The following UGT2A2 variants were observed in gnomAD, a reference collection of about 807,000 sequenced individuals.
The protein encoded by UGT2A2 is UDP glucuronosyltransferase family 2 member A2, also known as UDP-glucuronosyltransferase 2A2.
In UGT2A2, 60 loss-of-function variants were observed where a neutral mutation model predicts 50.7. The ratio of observed to expected loss-of-function variants is 1.18; its 90% confidence interval spans 0.96 to 1.47. The LOEUF is 1.47. UGT2A2 is among the 40% of genes most tolerant of loss of function. The probability of loss-of-function intolerance (pLI) is 0.00; values close to 1 mark genes in which losing one functional copy is unlikely to be tolerated. For missense variants in UGT2A2, 762 were observed against 634.0 expected (o/e 1.20, Z -2.17); for synonymous variants, 242 against 214.6 (o/e 1.13, Z -1.11).
intron 1 of UGT2A2, among the ~76,000 whole-genome samples, chr4:69,615,171 T>C (rs2109925009): frequency 6.6e-6 from 1 of 152,056 alleles, no homozygotes; most frequent in Admixed American, 6.6e-5. Flanking sequence ...TCAATCTCTA[T>C]CTCTCACCAT....
chr4:69,598,017 G>A (rs1015355552), intron 2 of UGT2A2, among the ~76,000 whole-genome samples: 14 of 152,024 alleles, frequency 9.2e-5, no homozygotes, highest in Admixed American at 7.2e-4. Context: ...GTAAAAAGTG[G>A]GTTTGGGAGG....
intron 1 of UGT2A2, among the ~76,000 whole-genome samples, chr4:69,622,528 A>G (rs868084566): frequency 1.3e-5 from 2 of 151,844 alleles, no homozygotes; most frequent in South Asian, 4.2e-4. Flanking sequence ...TTTATGTGTT[A>G]TCTATATAAT....
chr4:69,588,994 C>A lies in UGT2A2; in HGVS notation c.*378G>T, dbSNP rs1480609111. 1 of 162,290 alleles carries A rather than the reference C, an allele frequency of 6.2e-6. No individual in the cohort carries two copies. Among genetic ancestry groups the A allele is most frequent in the Non-Finnish European group, 1.3e-5 (1 of 74,112 alleles). 10.1% of individuals were successfully genotyped at this position (162,290 alleles called of 1,614,324 possible). ...GACTCTTCCTTACACCTATCAAATT[C>A]CATCTACACTGTATGCATTACCAGG... On this transcript the variant is annotated 3_prime_UTR_variant, in exon 6 of 6. Coordinates refer to ENST00000604629, the MANE Select transcript of UGT2A2 (RefSeq NM_001105677.2).
chr4:69,602,379 G>C (rs1431179523), intron 1 of UGT2A2, among the ~76,000 whole-genome samples: 1 of 137,198 alleles, frequency 7.3e-6, no homozygotes, highest in Admixed American at 7.1e-5. Context: ...TCAGTGGTAT[G>C]TACTAATGAC....
At chr4:69,609,179 G>A (rs949359116) in intron 1 of UGT2A2, among the ~76,000 whole-genome samples, 15 of 139,260 alleles carry the variant, frequency 1.1e-4, no homozygotes, top group Admixed American at 5.1e-4. Flanking sequence ...TTGACACAGC[G>A]TTTTTCTCTG....
chr4:69,591,515 T>C (rs558104300), intron 5 of UGT2A2, among the ~76,000 whole-genome samples: 1 of 152,240 alleles, frequency 6.6e-6, no homozygotes, highest in African/African-American at 2.4e-5. Context: ...GGTAGTAGGC[T>C]TCAGAGAGAA....
chr4:69,590,519 C>T (rs148601925), intron 5 of UGT2A2, among the ~76,000 whole-genome samples: 51 of 152,132 alleles, frequency 3.4e-4, no homozygotes, highest in African/African-American at 1.2e-3. Context: ...ATGGTTTGTG[C>T]AGAGATGTCC....
At chr4:69,637,067 C>T (rs1410771300) in intron 1 of UGT2A2, among the ~76,000 whole-genome samples, 1 of 152,002 alleles carries the variant, frequency 6.6e-6, no homozygotes, top group Admixed American at 6.6e-5. Flanking sequence ...TATTGTAGAA[C>T]ACATTTCAAA....
intron 1 of UGT2A2, among the ~76,000 whole-genome samples, chr4:69,615,213 A>G (rs532009783): frequency 6.6e-6 from 1 of 152,142 alleles, no homozygotes; most frequent in Admixed American, 6.6e-5. Flanking sequence ...GAAAAATTAA[A>G]TCACTCTAAT....
intron 2 of UGT2A2, 45 bp downstream of exon 2, chr4:69,599,201 A>G: frequency 1.3e-6 from 2 of 1,555,296 alleles, no homozygotes; most frequent in South Asian, 2.5e-5. Context: ...AAAATTAAGT[A>G]TTTTATTATG....
intron 1 of UGT2A2, among the ~76,000 whole-genome samples, chr4:69,608,894 T>G (rs1719850477): frequency 6.6e-6 from 1 of 152,068 alleles, no homozygotes; most frequent in Non-Finnish European, 1.5e-5. Context: ...TTAAACAAAT[T>G]TATATGTTTA....
intron 1 of UGT2A2, among the ~76,000 whole-genome samples, chr4:69,601,153 A>C (rs1209382692): frequency 6.6e-6 from 1 of 151,960 alleles, no homozygotes; most frequent in African/African-American, 2.4e-5. Flanking sequence ...TGCTACACAT[A>C]CTCCCCATGT....
In UGT2A2 at chr4:69,599,316, G is replaced by A. The variant is rs369119599; in HGVS notation, c.821C>T (p.Pro274Leu). Residue 274 changes from proline (P) to leucine (L), a missense_variant, in exon 2 of 6, where the codon CCT becomes CTT. Physicochemically the swap from Pro to Leu is moderately conservative, Grantham distance 98. Coordinates refer to ENST00000604629, the MANE Select transcript of UGT2A2 (RefSeq NM_001105677.2). ...CTCAAAATTAGGTAAGTATGGACGA[G>A]GAAATTCAAAATCCCAATATGTTCG... is the stretch of plus-strand genomic sequence containing the variant. ...LIRTYWDFEFPRPYLPNFEFV... is the reference protein window; with the variant it reads ...LIRTYWDFEFLRPYLPNFEFV... 1.8e-5 allele frequency: 29 copies of A among 1,613,796 alleles called. No individual in the cohort carries two copies. In the East Asian group the frequency reaches 4.7e-4, roughly 26 times the overall value.
At position 69,638,914 on chromosome 4, in the gene UGT2A2, A is replaced by C; in HGVS notation, c.727T>G (p.Tyr243Asp). ...QSYWGEWNSY[Y>D]SKILGRPTTL... ...TTAGACTTACCTAAAATTTTGCTAT[A>C]GTATGAATTCCATTCTCCCCAGTAG... The change falls in exon 1 of 6, where the codon TAT (tyrosine) becomes GAT (aspartate). Residue 243 changes from tyrosine to aspartate, a missense_variant. Transcript: ENST00000604629. 6.3e-7 allele frequency: 1 copy of C among 1,589,540 alleles called. No homozygotes were observed. Among genetic ancestry groups the C allele is most frequent in the South Asian group, 1.1e-5 (1 of 87,744 alleles).
chr4:69,616,417 GT>G (rs1390847847), intron 1 of UGT2A2, among the ~76,000 whole-genome samples: 3 of 151,764 alleles, frequency 2.0e-5, no homozygotes, highest in African/African-American at 7.3e-5. Context: ...AATGTTTGAG[GT>G]TATGGATATC....
chr4:69,595,027 A>C (rs1431455393), intron 4 of UGT2A2, 135 bp downstream of exon 4: 2 of 1,282,592 alleles, frequency 1.6e-6, no homozygotes, highest in East Asian at 5.1e-5. Flanking sequence ...CAATTATGTA[A>C]TTATATCTGC....
At chr4:69,595,355 A>G in intron 3 of UGT2A2, 106 bp from the exon 4 acceptor site, 3 of 1,313,034 alleles carry the variant, frequency 2.3e-6, no homozygotes, top group Non-Finnish European at 2.1e-6. Context: ...GAAGACGGGA[A>G]TTACATAAGC....
At position 69,638,791 on chromosome 4, in the gene UGT2A2, C is replaced by G. The variant is rs894479278; in HGVS notation, c.742+108G>C. ...TGTTTGTACAGAGATATAAGAAGTCCATTATCTTCAGCTCAGCATATGCAG... is the reference window on the plus strand; with the variant it reads ...TGTTTGTACAGAGATATAAGAAGTCGATTATCTTCAGCTCAGCATATGCAG... On this transcript the variant is annotated intron_variant, in intron 1 of 5. Coordinates refer to ENST00000604629, the MANE Select transcript of UGT2A2 (RefSeq NM_001105677.2). 5.2e-6 allele frequency: 7 copies of G among 1,341,288 alleles called. No homozygotes were observed. The East Asian group carries it at 1.8e-4, about 34-fold the overall frequency. 83.1% of individuals were successfully genotyped at this position (1,341,288 alleles called of 1,614,324 possible). A position where few individuals can be genotyped will look rare whatever the true frequency, so the allele number is the denominator to read the frequency against.
In UGT2A2 at chr4:69,594,628, C is replaced by T. The variant is rs375410043; in HGVS notation, c.1180G>A (p.Gly394Arg). 918 of 1,614,030 alleles carry T rather than the reference C, an allele frequency of 5.7e-4. 18 individuals carry two copies. In the South Asian group the frequency reaches 9.5e-3, roughly 17 times the overall value. Residue 394 changes from glycine (G) to arginine (R), a missense_variant, in exon 5 of 6, where the codon GGA becomes AGA. Gly to Arg is a moderately radical substitution (Grantham distance 125). Coordinates refer to ENST00000604629, the MANE Select transcript of UGT2A2 (RefSeq NM_001105677.2). ...TNGIYEAIYH[G>R]VPMVGVPMFA... is the part of the protein sequence containing the mutation. ...ATGGGAACTCCCACCATAGGGACTC[C>T]GTGGTAAATAGCTTCGTAGATCCCA...
Sources: gnomAD v4.1 joint callset for allele counts (sites outside exome capture counted in the v4.1 genomes callset) on GRCh38, gnomAD v4.1.1 for gene constraint, MANE v1.5 for transcripts, NCBI Gene and HGNC (gene_info 2026-07-23, HGNC 2026-07-21) for gene names.